Variants in AGTPBP1 observed in about 807,000 individuals in gnomAD.
AGTPBP1 encodes cytosolic carboxypeptidase 1.
Under a neutral mutation model 143.9 loss-of-function variants are expected in AGTPBP1, and 70 were observed. The ratio of observed to expected loss-of-function variants is 0.49; its 90% CI spans 0.40 to 0.59. The LOEUF is 0.59. Ranked by LOEUF, AGTPBP1 falls within the 20% of genes least tolerant of loss-of-function variation. The pLI, the probability that AGTPBP1 is intolerant of heterozygous loss-of-function variation, is 0.00. For missense variants in AGTPBP1, 1,229 were observed against 1,464.5 expected (o/e 0.84, Z 2.62); for synonymous variants, 463 against 500.2 (o/e 0.93, Z 0.99).
At chr9:85,795,131 G>C in the AGTPBP1 span, among the ~76,000 whole-genome samples, 1 of 152,068 alleles carries the variant, frequency 6.6e-6, no homozygotes, top group Non-Finnish European at 1.5e-5. Context: ...TTTTAAGACT[G>C]TCTCTTTAGG....
At chr9:85,594,509 T>C (rs931059287) in intron 18 of AGTPBP1, among the ~76,000 whole-genome samples, 1 of 151,848 alleles carries the variant, frequency 6.6e-6, no homozygotes, top group Non-Finnish European at 1.5e-5. Context: ...AGCCTGGGAG[T>C]GATGATAAGC....
At chr9:85,745,355 G>A (rs988985393), upstream of AGTPBP1, among the ~76,000 whole-genome samples, 1 of 152,222 alleles carries the variant, frequency 6.6e-6, no homozygotes, top group Non-Finnish European at 1.5e-5. Flanking sequence ...GTCCTCTGGA[G>A]TTAGAGGATT....
At chr9:85,558,175 A>T (rs1826471261) in intron 25 of AGTPBP1, among the ~76,000 whole-genome samples, 2 of 152,234 alleles carry the variant, frequency 1.3e-5, no homozygotes, top group African/African-American at 4.8e-5. Context: ...TTAAGTAGTG[A>T]CACATGCTAC....
intron 1 of AGTPBP1, among the ~76,000 whole-genome samples, chr9:85,722,317 T>C (rs141484699): frequency 1.4e-4 from 21 of 152,354 alleles, no homozygotes; most frequent in African/African-American, 3.6e-4. Context: ...CAATCAAACG[T>C]AGATTTGGTC....
At chr9:85,698,091 CT>C (rs370115913) in intron 2 of AGTPBP1, among the ~76,000 whole-genome samples, 255 of 148,394 alleles carry the variant, frequency 1.7e-3, no homozygotes, top group African/African-American at 4.7e-3. Flanking sequence ...AAAAGGTCAT[CT>C]TTTTTTTTTG....
At chr9:85,622,160 T>C (rs767251060) in intron 14 of AGTPBP1, among the ~76,000 whole-genome samples, 5 of 152,234 alleles carry the variant, frequency 3.3e-5, no homozygotes, top group Non-Finnish European at 7.3e-5. Flanking sequence ...GGTGATTATA[T>C]GCACTGATTT....
At chr9:85,751,227 G>T in the AGTPBP1 span, among the ~76,000 whole-genome samples, 1 of 152,302 alleles carries the variant, frequency 6.6e-6, no homozygotes, top group African/African-American at 2.4e-5. Flanking sequence ...CATTCCCAGG[G>T]CTGGAGAGCA....
chr9:85,626,708 C>T (rs60769483), intron 14 of AGTPBP1, among the ~76,000 whole-genome samples: 1 of 152,150 alleles, frequency 6.6e-6, no homozygotes, highest in Non-Finnish European at 1.5e-5. Context: ...GCCAGATAGG[C>T]TTTGCAGGCC....
chr9:85,773,264 CAAA>C, the AGTPBP1 span, among the ~76,000 whole-genome samples: 2 of 46,774 alleles, frequency 4.3e-5, no homozygotes, highest in Non-Finnish European at 6.9e-5. Context: ...GACTCCTTCT[CAAA>C]AAAAAAAAAA....
the AGTPBP1 span, among the ~76,000 whole-genome samples, chr9:85,759,189 A>G: frequency 2.0e-5 from 3 of 152,200 alleles, no homozygotes; most frequent in Middle Eastern, 6.3e-3. Flanking sequence ...TTAACACCCC[A>G]CTGTCAATAT....
Position 85,672,072 on chromosome 9 carries a change from C to CTT in AGTPBP1, c.568+476_568+477dup, listed in dbSNP as rs111948831. Among the ~76,000 whole-genome samples the CTT allele has an allele frequency of 1.0e-4, 15 of 145,268 alleles. 1 individual carries two copies. The South Asian group carries it at 1.5e-3, about 15-fold the overall frequency. On this transcript the variant is annotated intron_variant, in intron 7 of 25. Transcript: ENST00000357081. ...ATGTTCAAGGTTTTACCAACTTAACCTTTTTTTTTTTTGGTTGAGACGGAG... is the reference window on the plus strand; with the variant it reads ...ATGTTCAAGGTTTTACCAACTTAACCTTTTTTTTTTTTTTGGTTGAGACGGAG...
chr9:85,642,781 C>A, intron 13 of AGTPBP1, 46 bp downstream of exon 13: 2 of 1,444,560 alleles, frequency 1.4e-6, no homozygotes, highest in South Asian at 1.3e-5. Flanking sequence ...AAAAAAATAA[C>A]TTTTTATTAA....
chr9:85,577,215 T>TG (rs1365799352), intron 24 of AGTPBP1, among the ~76,000 whole-genome samples: 1 of 152,232 alleles, frequency 6.6e-6, no homozygotes, highest in Admixed American at 6.5e-5. Context: ...CCAAGTCAGA[T>TG]GTCCCGACAG....
intron 10 of AGTPBP1, among the ~76,000 whole-genome samples, chr9:85,655,988 C>T (rs1366326548): frequency 1.3e-5 from 2 of 152,094 alleles, no homozygotes; most frequent in African/African-American, 2.4e-5. Context: ...ACACCACGCC[C>T]GGCTAATTTT....
chr9:85,771,985 CTTTT>C, the AGTPBP1 span, among the ~76,000 whole-genome samples: 1 of 132,330 alleles, frequency 7.6e-6, no homozygotes, highest in African/African-American at 2.9e-5. Context: ...TTATGCTGTT[CTTTT>C]TTTTTTTTTT....
chr9:85,587,401 A>C (rs77829971), intron 21 of AGTPBP1, among the ~76,000 whole-genome samples: 1 of 152,194 alleles, frequency 6.6e-6, no homozygotes, highest in African/African-American at 2.4e-5. Context: ...AAGTATATGA[A>C]AAGTATACAC....
intron 13 of AGTPBP1, among the ~76,000 whole-genome samples, chr9:85,640,651 T>C (rs1270927532): frequency 1.3e-5 from 2 of 152,186 alleles, no homozygotes; most frequent in Non-Finnish European, 2.9e-5. Context: ...TAAAGTGCCA[T>C]GTAGGAAATC....
the AGTPBP1 span, chr9:85,756,022 A>T: frequency 9.9e-6 from 13 of 1,308,908 alleles, 1 homozygote; most frequent in Middle Eastern, 6.6e-4. Flanking sequence ...TTACCATATA[A>T]TTTTTATGGC....
intron 3 of AGTPBP1, among the ~76,000 whole-genome samples, chr9:85,691,539 G>GTGTGTGTT (rs1835877419): frequency 6.8e-6 from 1 of 146,448 alleles, no homozygotes; most frequent in African/African-American, 2.5e-5. Context: ...AAAAGAGGGT[G>GTGTGTGTT]TGTGTGTGTG....
Sources: gnomAD v4.1 joint callset for allele counts (sites outside exome capture counted in the v4.1 genomes callset) on GRCh38, gnomAD v4.1.1 for gene constraint, MANE v1.5 for transcripts, NCBI Gene and HGNC (gene_info 2026-07-23, HGNC 2026-07-21) for gene names.